SLC7A8: variants seen among roughly 807,000 people sequenced by gnomAD.
SLC7A8 encodes the protein large neutral amino acids transporter small subunit 2.
SLC7A8 carries 30 observed loss-of-function variants against 51.2 expected under a neutral mutation model. The observed-to-expected ratio is 0.59, with a 90% CI of 0.44 to 0.80. The LOEUF (loss-of-function observed/expected upper bound fraction) is 0.80. SLC7A8 is among the 30% of genes least tolerant of loss of function. SLC7A8 has a pLI of 0.00. For missense variants in SLC7A8, 612 were observed against 674.4 expected (o/e 0.91, Z 1.03); for synonymous variants, 257 against 275.8 (o/e 0.93, Z 0.67).
rs1432947502 is a variant in SLC7A8, at chr14:23,129,700, C to A, written c.1213G>T (p.Gly405Ter). 1 of 1,614,178 alleles carries A rather than the reference C, an allele frequency of 6.2e-7. No individual in the cohort carries two copies. ...NYLFYGVTVA[G>*]QIVLRWKKPD... is the part of the protein sequence containing the mutation. ...TTCTTCCAGCGAAGGACTATCTGTC[C>A]AGCAACCGTGACCCCATAGAAGAGG... Residue 405 changes from glycine (G) to a stop codon, truncating the protein, a stop_gained, in exon 9 of 11, where the codon GGA becomes TGA. Transcript: ENST00000316902. LOFTEE classifies it high-confidence loss of function.
intron 7 of SLC7A8, among the ~76,000 whole-genome samples, chr14:23,133,602 G>A (rs2048661447): frequency 1.3e-5 from 2 of 152,150 alleles, no homozygotes; most frequent in Admixed American, 6.5e-5. Context: ...TGAGGTGGGT[G>A]AATCACCTGA....
At chr14:23,163,349 G>A (rs2048933634) in intron 3 of SLC7A8, among the ~76,000 whole-genome samples, 1 of 152,210 alleles carries the variant, frequency 6.6e-6, no homozygotes, top group Admixed American at 6.5e-5. Flanking sequence ...GTGGACTGGA[G>A]ATGCAGGCGC....
intron 3 of SLC7A8, chr14:23,154,513 T>TGAGCA: frequency 4.1e-6 from 4 of 976,072 alleles, no homozygotes; most frequent in Non-Finnish European, 4.9e-6. Flanking sequence ...TGGAAGGAAC[T>TGAGCA]GAGCACGTGT....
At chr14:23,150,937 C>G (rs1045432369) in intron 3 of SLC7A8, among the ~76,000 whole-genome samples, 6 of 152,204 alleles carry the variant, frequency 3.9e-5, no homozygotes, top group African/African-American at 1.4e-4. Flanking sequence ...GAGTGGGTCA[C>G]AGGTACAGGC....
chr14:23,164,208 A>C (rs2048937530), intron 3 of SLC7A8, among the ~76,000 whole-genome samples: 1 of 152,238 alleles, frequency 6.6e-6, no homozygotes, highest in Non-Finnish European at 1.5e-5. Flanking sequence ...TCTCCTAGTT[A>C]GAAAACTCAT....
rs181461640 is a variant in SLC7A8 at position 23,161,409 on chromosome 14, C to T, written c.508+3876G>A. On this transcript the variant is annotated intron_variant, in intron 3 of 10. Transcript: ENST00000316902. ...AGGGTGGCCTTTCCTCAAAACCTCT[C>T]GCTTCACAGTCATCAGCATGTCGCC... Among the ~76,000 whole-genome samples the T allele has an allele frequency of 3.3e-3, 500 of 152,072 alleles. 1 individual carries two copies. The highest frequency in any genetic ancestry group is 4.8e-3 in the Non-Finnish European group (326 of 68,006).
intron 7 of SLC7A8, among the ~76,000 whole-genome samples, chr14:23,135,659 G>A (rs546772847): frequency 9.2e-5 from 14 of 151,592 alleles, no homozygotes; most frequent in South Asian, 2.1e-4. Flanking sequence ...CCAAGATTGC[G>A]CCACTGCACT....
chr14:23,165,231 TA>T lies in SLC7A8; in HGVS notation c.508+53del. ...AAGACTCTGTTTCTAAAAATAATAA[TA>T]ATAAATATAATAAAAGAGGCTGTCT... is the stretch of plus-strand genomic sequence containing the variant. On this transcript the variant is annotated intron_variant, in intron 3 of 10. Coordinates refer to ENST00000316902, the MANE Select transcript of SLC7A8 (RefSeq NM_012244.4). The surrounding 1 kb of genome is among the most constrained non-coding windows in gnomAD (Gnocchi z 4.2). 3 of 1,453,482 alleles carry T rather than the reference TA, an allele frequency of 2.1e-6. No individual in the cohort carries two copies. The highest frequency in any genetic ancestry group is 2.7e-6 in the Non-Finnish European group (3 of 1,099,150). The allele number at this position is 1,453,482 out of a possible 1,614,324, so 90.0% of individuals were successfully genotyped here.
chr14:23,164,458 T>A (rs1202094612), intron 3 of SLC7A8, among the ~76,000 whole-genome samples: 1 of 152,224 alleles, frequency 6.6e-6, no homozygotes, highest in Non-Finnish European at 1.5e-5. Context: ...TTTCCTTATC[T>A]GTTCTGGGAA....
chr14:23,153,100 G>A (rs538159781), intron 3 of SLC7A8, among the ~76,000 whole-genome samples: 39 of 152,204 alleles, frequency 2.6e-4, no homozygotes, highest in African/African-American at 8.7e-4. Flanking sequence ...TGACCTTAGA[G>A]ACCCAGAACC....
At chr14:23,166,934 A>G (rs1250628882) in intron 1 of SLC7A8, among the ~76,000 whole-genome samples, 1 of 152,164 alleles carries the variant, frequency 6.6e-6, no homozygotes, top group East Asian at 1.9e-4. Context: ...CACGTGGTCC[A>G]CCCAAAGTGA....
intron 1 of SLC7A8, among the ~76,000 whole-genome samples, chr14:23,173,966 A>G (rs2048987484): frequency 6.6e-6 from 1 of 152,208 alleles, no homozygotes; most frequent in Non-Finnish European, 1.5e-5. Context: ...CTCCACAAGA[A>G]ACTTCCATTG....
chr14:23,179,155 T>C (rs1243124389), intron 1 of SLC7A8, among the ~76,000 whole-genome samples: 2 of 152,200 alleles, frequency 1.3e-5, no homozygotes, highest in Admixed American at 1.3e-4. Context: ...AAGATGCTTC[T>C]TAATCTAGTT....
chr14:23,134,654 C>A (rs977270462), intron 7 of SLC7A8, among the ~76,000 whole-genome samples: 3 of 151,822 alleles, frequency 2.0e-5, no homozygotes, highest in African/African-American at 7.3e-5. Context: ...AATTCCTGGG[C>A]TCCAGTGATC....
At chr14:23,132,090 C>T (rs145425266) in intron 7 of SLC7A8, among the ~76,000 whole-genome samples, 188 of 150,828 alleles carry the variant, frequency 1.2e-3, no homozygotes, top group African/African-American at 4.0e-3. Flanking sequence ...CTGCAACCTC[C>T]GCCTCCCAGG....
intron 1 of SLC7A8, among the ~76,000 whole-genome samples, chr14:23,179,506 GAAA>G (rs71115600): frequency 7.0e-6 from 1 of 142,524 alleles, no homozygotes; most frequent in Non-Finnish European, 1.5e-5. Flanking sequence ...CACAGTCCCT[GAAA>G]AAAAAAAAAA....
intron 1 of SLC7A8, among the ~76,000 whole-genome samples, chr14:23,168,734 A>G (rs536675016): frequency 6.6e-6 from 1 of 152,342 alleles, no homozygotes; most frequent in South Asian, 2.1e-4. Flanking sequence ...TCAGGAATGA[A>G]GAGTGTCAGT....
intron 3 of SLC7A8, among the ~76,000 whole-genome samples, chr14:23,161,260 T>C (rs550083546): frequency 2.0e-5 from 3 of 152,072 alleles, no homozygotes; most frequent in Non-Finnish European, 4.4e-5. Context: ...GAACCAGACT[T>C]GGCCTCATCT....
chr14:23,133,655 C>T (rs1188801732), intron 7 of SLC7A8, among the ~76,000 whole-genome samples: 9 of 151,806 alleles, frequency 5.9e-5, no homozygotes, highest in Non-Finnish European at 1.0e-4. Flanking sequence ...GGGGAAACCT[C>T]GTCTCTACTA....
Sources: allele counts gnomAD v4.1 joint callset (sites outside exome capture counted in the v4.1 genomes callset), GRCh38; gene constraint gnomAD v4.1.1; non-coding constraint Gnocchi (gnomAD v3.1); transcripts MANE v1.5; gene names NCBI Gene and HGNC (gene_info 2026-07-23, HGNC 2026-07-21).